FRMD4A: variants seen among roughly 807,000 people sequenced by gnomAD.
FRMD4A encodes the protein FERM domain-containing protein 4A.
FRMD4A carries 29 observed loss-of-function variants against 129.1 expected under a neutral mutation model. The ratio of observed to expected loss-of-function variants is 0.22; its 90% CI spans 0.17 to 0.31. The LOEUF (loss-of-function observed/expected upper bound fraction) is 0.31, where lower values mean the gene tolerates loss of function less well. FRMD4A is among the 10% of genes least tolerant of loss of function. The pLI, the probability that FRMD4A is intolerant of heterozygous loss-of-function variation, is 1.00. For synonymous variants in FRMD4A, 634 were observed against 571.6 expected (o/e 1.11, Z -1.56); for missense variants, 1,272 against 1,375.8 (o/e 0.92, Z 1.19).
At chr10:14,068,912 C>G (rs142706489) in intron 2 of FRMD4A, among the ~76,000 whole-genome samples, 1,782 of 150,950 alleles carry the variant, frequency 0.012, 42 homozygotes, top group African/African-American at 0.041. Context: ...CTCTCCCTCC[C>G]TCCCTCTCCC....
Position 13,652,028 on chromosome 10 carries a change from A to T in FRMD4A, c.3051-54T>A, listed in dbSNP as rs534418898. Reference sequence around the variant, plus strand: ...AGAAGAGAGGTCATGTTACAGAGAGACACTGACACAGACACAGACACGATT... The same window carrying T: ...AGAAGAGAGGTCATGTTACAGAGAGTCACTGACACAGACACAGACACGATT... On this transcript the variant is annotated intron_variant, in intron 23 of 24. Transcript: ENST00000357447. 114 of 925,264 alleles carry T rather than the reference A, an allele frequency of 1.2e-4. 1 individual carries two copies. The South Asian group carries it at 1.3e-3, about 10-fold the overall frequency. The allele number at this position is 925,264 out of a possible 1,614,324, so 57.3% of individuals were successfully genotyped here.
At chr10:13,960,584 G>C (rs926778508) in intron 2 of FRMD4A, among the ~76,000 whole-genome samples, 3 of 152,204 alleles carry the variant, frequency 2.0e-5, no homozygotes, top group Admixed American at 2.0e-4. Flanking sequence ...GACTCCGAAG[G>C]GGAAGCGATT....
At chr10:14,143,004 G>A (rs1839911207) in intron 2 of FRMD4A, among the ~76,000 whole-genome samples, 3 of 152,212 alleles carry the variant, frequency 2.0e-5, no homozygotes, top group Admixed American at 1.3e-4. Context: ...TGTTGGCAGG[G>A]ATGTGGAGAA....
At position 14,020,091 on chromosome 10, in the gene FRMD4A, T is replaced by C. The variant is rs142469001; in HGVS notation, c.46-161179A>G. Reference sequence around the variant, plus strand: ...GCACTGCCAACACTTCTGGAGCTTGTCCTGAAGAGCCATTCGTGTGCTTGG... The same window carrying C: ...GCACTGCCAACACTTCTGGAGCTTGCCCTGAAGAGCCATTCGTGTGCTTGG... On this transcript the variant is annotated intron_variant, in intron 2 of 24. Coordinates refer to ENST00000357447, the MANE Select transcript of FRMD4A (RefSeq NM_018027.5). Among the ~76,000 whole-genome samples, 290 of 152,318 alleles carry C rather than the reference T, an allele frequency of 1.9e-3. 3 individuals carry two copies. The highest frequency in any genetic ancestry group is 5.7e-3 in the African/African-American group (238 of 41,572).
chr10:14,150,689 C>T (rs1840297579), intron 2 of FRMD4A, among the ~76,000 whole-genome samples: 1 of 152,100 alleles, frequency 6.6e-6, no homozygotes, highest in African/African-American at 2.4e-5. Flanking sequence ...TCATATTTCT[C>T]CCTTCTCTCA....
chr10:13,872,660 T>C (rs7919561), intron 2 of FRMD4A, among the ~76,000 whole-genome samples: 150,643 of 152,358 alleles, frequency 0.99, 74,493 homozygotes, highest in East Asian at 1. Flanking sequence ...AGTACACACC[T>C]ACCTAACATC....
chr10:13,978,536 C>T (rs1383409626), intron 2 of FRMD4A, among the ~76,000 whole-genome samples: 3 of 152,134 alleles, frequency 2.0e-5, no homozygotes, highest in Non-Finnish European at 1.5e-5. Flanking sequence ...AGAAATAGCA[C>T]TGGTACGGCT....
intron 2 of FRMD4A, among the ~76,000 whole-genome samples, chr10:14,282,242 G>T (rs539914448): frequency 1.1e-4 from 17 of 152,266 alleles, no homozygotes; most frequent in African/African-American, 3.4e-4. Flanking sequence ...TTTGGGTGGA[G>T]ACACAGCCAA....
intron 3 of FRMD4A, among the ~76,000 whole-genome samples, chr10:13,848,774 T>C (rs1036702235): frequency 6.6e-6 from 1 of 152,134 alleles, no homozygotes; most frequent in Non-Finnish European, 1.5e-5. Flanking sequence ...TTACCGACTT[T>C]TCTACAAAGG....
At chr10:14,043,080 A>G (rs986751601) in intron 2 of FRMD4A, among the ~76,000 whole-genome samples, 3 of 152,176 alleles carry the variant, frequency 2.0e-5, no homozygotes, top group African/African-American at 7.2e-5. Flanking sequence ...CAGATCTTCC[A>G]GGTGTAGAGA....
chr10:14,211,480 G>A, intron 2 of FRMD4A, among the ~76,000 whole-genome samples: 1 of 152,172 alleles, frequency 6.6e-6, no homozygotes, highest in East Asian at 1.9e-4. Flanking sequence ...GAAGACAGAG[G>A]TTCAGGTATT....
intron 2 of FRMD4A, among the ~76,000 whole-genome samples, chr10:14,220,814 G>GTGTGTT (rs1554788054): frequency 1.1e-4 from 2 of 18,336 alleles, no homozygotes; most frequent in Non-Finnish European, 6.4e-4. Flanking sequence ...GTGTGTGTTT[G>GTGTGTT]TGTGTGTGTG....
At chr10:13,800,909 C>A (rs1308031986) in intron 4 of FRMD4A, among the ~76,000 whole-genome samples, 2 of 152,194 alleles carry the variant, frequency 1.3e-5, no homozygotes, top group African/African-American at 4.8e-5. Flanking sequence ...TCCCGGCCAT[C>A]TATTGGTTTA....
At chr10:13,752,618 T>C (rs2091680792) in intron 8 of FRMD4A, among the ~76,000 whole-genome samples, 1 of 152,190 alleles carries the variant, frequency 6.6e-6, no homozygotes, top group African/African-American at 2.4e-5. Context: ...CAGAATGTGA[T>C]ACTATCGTAA....
intron 2 of FRMD4A, among the ~76,000 whole-genome samples, chr10:14,014,620 T>C (rs2095692389): frequency 6.6e-6 from 1 of 152,190 alleles, no homozygotes; most frequent in Non-Finnish European, 1.5e-5. Flanking sequence ...GTTTGAAAAC[T>C]GGCTGGAATT....
intron 3 of FRMD4A, among the ~76,000 whole-genome samples, chr10:13,834,134 G>A (rs2130949878): frequency 6.6e-6 from 1 of 152,174 alleles, no homozygotes; most frequent in East Asian, 1.9e-4. Context: ...CACGGTGGTG[G>A]GTGACTGTAA....
intron 2 of FRMD4A, among the ~76,000 whole-genome samples, chr10:14,246,262 CAAG>C (rs141128416): frequency 0.011 from 1,622 of 152,218 alleles, 37 homozygotes; most frequent in African/African-American, 0.037. Flanking sequence ...ATCAATTTAT[CAAG>C]AAGAACCTTT....
chr10:13,863,655 A>G (rs986989514), intron 2 of FRMD4A, among the ~76,000 whole-genome samples: 1 of 152,074 alleles, frequency 6.6e-6, no homozygotes, highest in African/African-American at 2.4e-5. Context: ...AGGGATTAAG[A>G]GGCAAAAAAA....
At chr10:14,320,202 C>T (rs1250890015) in intron 2 of FRMD4A, among the ~76,000 whole-genome samples, 1 of 152,168 alleles carries the variant, frequency 6.6e-6, no homozygotes, top group Non-Finnish European at 1.5e-5. Flanking sequence ...CCATGCCTGC[C>T]CATTAAGTCA....
Sources: allele counts gnomAD v4.1 joint callset (sites outside exome capture counted in the v4.1 genomes callset), GRCh38; gene constraint gnomAD v4.1.1; transcripts MANE v1.5; gene names NCBI Gene and HGNC (gene_info 2026-07-23, HGNC 2026-07-21).